The following MLN variants were observed in gnomAD, a reference collection of about 807,000 sequenced individuals.
MLN encodes motilin, also known as promotilin.
In MLN, 14 loss-of-function variants were observed where a neutral mutation model predicts 13.3. The observed-to-expected ratio is 1.05, with a 90% CI of 0.69 to 1.64. MLN has a LOEUF of 1.64. Ranked by LOEUF, MLN falls within the 40% of genes most tolerant of loss-of-function variation. MLN has a pLI of 0.00. For synonymous variants in MLN, 59 were observed against 54.7 expected (o/e 1.08, Z -0.34); for missense variants, 122 against 142.9 (o/e 0.85, Z 0.75).
chr6:33,800,096 T>C (rs1288297501), intron 2 of MLN, among the ~76,000 whole-genome samples: 2 of 152,162 alleles, frequency 1.3e-5, no homozygotes, highest in Non-Finnish European at 2.9e-5. Context: ...AAAAGAGCCC[T>C]GTTCACTGGG....
chr6:33,799,338 A>G lies in MLN; in HGVS notation c.118-117T>C, dbSNP rs1767996300. On this transcript the variant is annotated intron_variant, in intron 2 of 4. Transcript: ENST00000430124. This position sits in a 1 kb window ranked among gnomAD's most constrained non-coding sequence, Gnocchi z 4.6. ...TGCCCTGAGCTCCCTACAGACTGAAAGAACCCTTTCCTCCAGGAGCCTCCT... is the reference window on the plus strand; with the variant it reads ...TGCCCTGAGCTCCCTACAGACTGAAGGAACCCTTTCCTCCAGGAGCCTCCT... 4 of 640,062 alleles carry G rather than the reference A, an allele frequency of 6.2e-6. No homozygotes were observed. In the South Asian group the frequency reaches 9.9e-5, roughly 16 times the overall value. The allele number at this position is 640,062 out of a possible 1,614,324, so 39.6% of individuals were successfully genotyped here.
rs550124967 is a variant in MLN at position 33,801,937 on chromosome 6, G to A, written c.-7-767C>T. ...GTGTGGAATGGCTGGTAGGACATTG[G>A]GCTTTAGTGGGCTTTTGGAGCTCGG... On this transcript the variant is annotated intron_variant, in intron 1 of 4. Coordinates refer to ENST00000430124, the MANE Select transcript of MLN (RefSeq NM_002418.3). Among the ~76,000 whole-genome samples the A allele has an allele frequency of 2.6e-5, 4 of 152,316 alleles. 1 individual carries two copies. The highest frequency in any genetic ancestry group is 6.8e-3 in the Middle Eastern group (2 of 294).
chr6:33,795,846 GACAGGAGGGGTGGGGTCAGCAGGA>G (rs1466781557), intron 3 of MLN, among the ~76,000 whole-genome samples: 1 of 152,072 alleles, frequency 6.6e-6, no homozygotes, highest in Non-Finnish European at 1.5e-5. Flanking sequence ...GGGAAGCTGG[GACAGGAGGGGTGGGGTCAGCAGGA>G]ACCCCAGCAG....
chr6:33,799,273 G>T lies in MLN; in HGVS notation c.118-52C>A. On this transcript the variant is annotated intron_variant, in intron 2 of 4. Transcript: ENST00000430124. The surrounding 1 kb of genome is among the most constrained non-coding windows in gnomAD (Gnocchi z 4.6). ...AAACCGCCCTCCCTCAACCCACGCT[G>T]ATGGCCCCTTGCCTGTCTCCATCTG... 2 of 1,325,152 alleles carry T rather than the reference G, an allele frequency of 1.5e-6. No homozygotes were observed. The highest frequency in any genetic ancestry group is 2.2e-6 in the Non-Finnish European group (2 of 923,426). The allele number at this position is 1,325,152 out of a possible 1,614,324, so 82.1% of individuals were successfully genotyped here.
chr6:33,798,903 T>C (rs1045409964), intron 3 of MLN, among the ~76,000 whole-genome samples: 1 of 152,152 alleles, frequency 6.6e-6, no homozygotes, highest in African/African-American at 2.4e-5. Context: ...CCTTATCTGG[T>C]GCCTGAAATG....
chr6:33,795,108 A>T (rs1020876158), intron 4 of MLN, among the ~76,000 whole-genome samples: 7 of 152,168 alleles, frequency 4.6e-5, no homozygotes, highest in Non-Finnish European at 8.8e-5. Context: ...GTCAGAGGAG[A>T]TGTAGCTTTG....
chr6:33,796,867 A>C (rs1767937397), intron 3 of MLN, among the ~76,000 whole-genome samples: 1 of 152,200 alleles, frequency 6.6e-6, no homozygotes, highest in Non-Finnish European at 1.5e-5. Flanking sequence ...AAGCCTCCCC[A>C]AGAAGGCTTC....
intron 4 of MLN, 147 bp downstream of exon 4, chr6:33,795,356 A>C (rs1767888244): frequency 1.5e-6 from 1 of 674,458 alleles, no homozygotes; most frequent in Admixed American, 2.6e-5. Context: ...AGCAGGTATC[A>C]CAGCATAGCC....
chr6:33,797,851 C>T (rs1246666851), intron 3 of MLN, among the ~76,000 whole-genome samples: 2 of 152,172 alleles, frequency 1.3e-5, no homozygotes, highest in African/African-American at 2.4e-5. Context: ...CCCTCCTCTG[C>T]TCAAAACCCC....
At chr6:33,800,771 G>C (rs370717628) in intron 2 of MLN, among the ~76,000 whole-genome samples, 20 of 152,390 alleles carry the variant, frequency 1.3e-4, no homozygotes, top group African/African-American at 4.8e-4. Context: ...TCATCGCCCA[G>C]GGTGGCCTCT....
rs766315771 is a variant in MLN, at chr6:33,803,273, C to CG, written c.-8+679dup. ...CCTTGCCTCCCCATGTGCTCTCCCT[C>CG]GGGGTCAACTTTTTCTTTTCCTTTT... On this transcript the variant is annotated intron_variant, in intron 1 of 4. Transcript: ENST00000430124. The surrounding 1 kb of genome is among the most constrained non-coding windows in gnomAD (Gnocchi z 4.5). Among the ~76,000 whole-genome samples, 24 of 151,408 alleles carry CG rather than the reference C, an allele frequency of 1.6e-4. No homozygotes were observed. Among genetic ancestry groups the CG allele is most frequent in the Non-Finnish European group, 3.1e-4 (21 of 67,878 alleles).
intron 1 of MLN, among the ~76,000 whole-genome samples, chr6:33,802,461 GGCTCCCCCTTT>G (rs1760864974): frequency 6.6e-6 from 1 of 152,156 alleles, no homozygotes; most frequent in Non-Finnish European, 1.5e-5. Flanking sequence ...GTCTCAACCT[GGCTCCCCCTTT>G]GAACAGAACC....
Position 33,796,108 on chromosome 6 carries a change from C to T in MLN, c.235-503G>A, listed in dbSNP as rs944040201. ...CCAAGTAGCTGGGACTACAGGCGCC[C>T]GCTACCACGCCCGGCTAATTTTTTG... On this transcript the variant is annotated intron_variant, in intron 3 of 4. Coordinates refer to ENST00000430124, the MANE Select transcript of MLN (RefSeq NM_002418.3). Among the ~76,000 whole-genome samples the T allele has an allele frequency of 3.3e-5, 5 of 152,174 alleles. No homozygotes were observed. The South Asian group carries it at 8.3e-4, about 25-fold the overall frequency.
In MLN at chr6:33,801,046, C is replaced by T; in HGVS notation, c.117+1G>A. On this transcript the variant is annotated splice_donor_variant, in intron 2 of 4. Transcript: ENST00000430124. LOFTEE classifies it high-confidence loss of function. ...CAGGGCAGGCAGCAGGGGGTTCTTACCTGCATCCTCTGGAGTTCGCCATAG... is the reference window on the plus strand; with the variant it reads ...CAGGGCAGGCAGCAGGGGGTTCTTATCTGCATCCTCTGGAGTTCGCCATAG... 1 of 1,612,506 alleles carries T rather than the reference C, an allele frequency of 6.2e-7. No individual in the cohort carries two copies. The highest frequency in any genetic ancestry group is 8.5e-7 in the Non-Finnish European group (1 of 1,178,506).
Position 33,796,304 on chromosome 6 carries a change from C to G in MLN, c.235-699G>C, listed in dbSNP as rs146661211. The stretch of plus-strand genomic sequence containing the variant: ...GGACAATGAGATTGAGTAACTTGCT[C>G]AAGGCCGCACAGATGGTAAGGAGCA... On this transcript the variant is annotated intron_variant, in intron 3 of 4. Transcript: ENST00000430124. Among the ~76,000 whole-genome samples the G allele has an allele frequency of 3.5e-3, 534 of 151,934 alleles. 5 individuals carry two copies. The highest frequency in any genetic ancestry group is 9.8e-3 in the African/African-American group (404 of 41,232).
chr6:33,794,764 AG>A lies in MLN; in HGVS notation c.*60del, dbSNP rs1334336708. ...CAGCTGGCAGGCTCTGTAAATTCCC[AG>A]GGCCTCACTTGGGCAGGAGGGGCCT... On this transcript the variant is annotated 3_prime_UTR_variant, in exon 5 of 5. Coordinates refer to ENST00000430124, the MANE Select transcript of MLN (RefSeq NM_002418.3). 2 of 1,599,890 alleles carry A rather than the reference AG, an allele frequency of 1.3e-6. No individual in the cohort carries two copies. The highest frequency in any genetic ancestry group is 2.2e-5 in the East Asian group (1 of 44,638).
At chr6:33,795,858 G>A (rs1767904819) in intron 3 of MLN, among the ~76,000 whole-genome samples, 1 of 152,130 alleles carries the variant, frequency 6.6e-6, no homozygotes, top group Non-Finnish European at 1.5e-5. Flanking sequence ...CAGGAGGGGT[G>A]GGGTCAGCAG....
intron 3 of MLN, among the ~76,000 whole-genome samples, chr6:33,795,983 G>A (rs367976753): frequency 2.0e-4 from 28 of 139,894 alleles, no homozygotes; most frequent in African/African-American, 6.7e-4. Flanking sequence ...TTTTTGAGAC[G>A]GAGTCTTGCT....
chr6:33,795,480 A>G (rs1254163738), intron 4 of MLN, 23 bp downstream of exon 4: 6 of 1,543,906 alleles, frequency 3.9e-6, no homozygotes, highest in East Asian at 2.4e-5. Flanking sequence ...GCCAAGCCAC[A>G]GAGATGCCCG....
Sources: gnomAD v4.1 joint callset for allele counts (sites outside exome capture counted in the v4.1 genomes callset) on GRCh38, gnomAD v4.1.1 for gene constraint, Gnocchi (gnomAD v3.1) non-coding constraint, MANE v1.5 for transcripts, NCBI Gene and HGNC (gene_info 2026-07-23, HGNC 2026-07-21) for gene names.